The following BAHD1 variants were observed in gnomAD, a reference collection of about 807,000 sequenced individuals.
BAHD1 encodes bromo adjacent homology domain containing 1.
BAHD1 carries 20 observed loss-of-function variants against 63.1 expected under a neutral mutation model. That is an observed-to-expected ratio of 0.32 (90% CI 0.22 to 0.46). The LOEUF is 0.46. BAHD1 is among the 20% of genes least tolerant of loss of function. The pLI, the probability that BAHD1 is intolerant of heterozygous loss-of-function variation, is 1.00. For missense variants in BAHD1, 939 were observed against 1,071.8 expected, an observed-to-expected ratio of 0.88 and a Z score of 1.73; for synonymous variants, 408 against 426.8, an observed-to-expected ratio of 0.96 and a Z score of 0.54.
chr15:40,453,027 C>G lies in BAHD1; in HGVS notation c.-14-5424C>G, dbSNP rs74595335. On this transcript the variant is annotated intron_variant, in intron 1 of 6. Coordinates refer to ENST00000416165, the MANE Select transcript of BAHD1 (RefSeq NM_014952.5). ...GATTTCTCACTGGGGTAGGAGGAAT[C>G]TGTCCCGGGCTCCTGCTGTGGGGAA... 9.6e-3 allele frequency among the ~76,000 whole-genome samples: 1,456 copies of G among 152,316 alleles called. 34 individuals are homozygous for G. Among genetic ancestry groups the G allele is most frequent in the African/African-American group, 0.033 (1,391 of 41,556 alleles).
chr15:40,446,852 T>A (rs766187481), intron 1 of BAHD1, among the ~76,000 whole-genome samples: 1 of 152,076 alleles, frequency 6.6e-6, no homozygotes, highest in Non-Finnish European at 1.5e-5. Flanking sequence ...TCACCTGGAG[T>A]GCTGTTGATG....
At chr15:40,443,034 C>G (rs1595844802) in intron 1 of BAHD1, among the ~76,000 whole-genome samples, 1 of 152,160 alleles carries the variant, frequency 6.6e-6, no homozygotes, top group East Asian at 1.9e-4. Context: ...GCTCCCATGC[C>G]CTCCATGTGA....
At chr15:40,448,646 C>T (rs1893614602) in intron 1 of BAHD1, among the ~76,000 whole-genome samples, 1 of 152,188 alleles carries the variant, frequency 6.6e-6, no homozygotes, top group Non-Finnish European at 1.5e-5. Context: ...AAGTGATCCT[C>T]CCACCTCAGC....
intron 1 of BAHD1, among the ~76,000 whole-genome samples, chr15:40,445,064 T>C (rs1156594714): frequency 1.3e-5 from 2 of 152,056 alleles, no homozygotes; most frequent in Non-Finnish European, 2.9e-5. Context: ...CCTTTAGCTG[T>C]GTTTGCTGTG....
intron 5 of BAHD1, 114 bp from the exon 6 acceptor site, chr15:40,465,221 C>T (rs1470129363): frequency 4.6e-6 from 4 of 868,028 alleles, no homozygotes; most frequent in Non-Finnish European, 7.4e-6. Flanking sequence ...TCCAGGGAAG[C>T]TTGCTGGAGT....
chr15:40,448,309 C>T (rs1893604197), intron 1 of BAHD1, among the ~76,000 whole-genome samples: 1 of 152,024 alleles, frequency 6.6e-6, no homozygotes, highest in Non-Finnish European at 1.5e-5. Flanking sequence ...CCCATAGATG[C>T]CATTTAATTG....
At position 40,458,999 on chromosome 15, in the gene BAHD1, G is replaced by A. The variant is rs1479144454; in HGVS notation, c.535G>A (p.Gly179Arg). The change falls in exon 2 of 7, where the codon GGA (glycine) becomes AGA (arginine). Residue 179 changes from glycine to arginine, a missense_variant. By Grantham distance (125) the Gly-to-Arg change is moderately radical. Transcript: ENST00000416165. This position sits in a 1 kb window ranked among gnomAD's most constrained non-coding sequence, Gnocchi z 4.7. ...KRPRLGDLGG[G>R]SRDLSPEPAP... ...GCCCCGGCTGGGGGACCTTGGAGGA[G>A]GAAGTCGGGACCTGTCTCCAGAGCC... 1 of 1,585,412 alleles carries A rather than the reference G, an allele frequency of 6.3e-7. No individual in the cohort carries two copies. The highest frequency in any genetic ancestry group is 1.1e-5 in the South Asian group (1 of 87,830).
rs562419625 is a variant in BAHD1 at position 40,463,717 on chromosome 15, C to T, written c.1816-144C>T. The T allele has an allele frequency of 4.9e-5, 43 of 882,910 alleles. 1 individual carries two copies. The African/African-American group carries it at 6.9e-4, about 14-fold the overall frequency. The allele number at this position is 882,910 out of a possible 1,614,324, so 54.7% of individuals were successfully genotyped here. ...AACCATGAGAATTCCCCAGCCCCAT[C>T]CAAAAAAGGATAGTGGTTTGACAAA... On this transcript the variant is annotated intron_variant, in intron 3 of 6. Coordinates refer to ENST00000416165, the MANE Select transcript of BAHD1 (RefSeq NM_014952.5).
chr15:40,438,680 C>T (rs550757427), upstream of BAHD1, among the ~76,000 whole-genome samples: 1 of 152,274 alleles, frequency 6.6e-6, no homozygotes, highest in Non-Finnish European at 1.5e-5. Context: ...CCCCAGGGCC[C>T]TCTAATGCCA....
chr15:40,461,719 C>A (rs1028117191), intron 2 of BAHD1, among the ~76,000 whole-genome samples, 193 bp from the exon 3 acceptor site: 1 of 152,146 alleles, frequency 6.6e-6, no homozygotes, highest in South Asian at 2.1e-4. Context: ...GGCCAATCTC[C>A]AAGATCAGGA....
intron 1 of BAHD1, among the ~76,000 whole-genome samples, chr15:40,441,576 C>CGGGGT (rs1893403086): frequency 6.7e-6 from 1 of 148,856 alleles, no homozygotes; most frequent in South Asian, 2.1e-4. Context: ...AGGCCGGGGG[C>CGGGGT]GGGGTGGGTG....
At chr15:40,465,053 A>T in intron 5 of BAHD1, 1 of 476,454 alleles carries the variant, frequency 2.1e-6, no homozygotes, top group Non-Finnish European at 3.8e-6. Context: ...GATGAAGAAC[A>T]TTTCCCCTCT....
intron 1 of BAHD1, among the ~76,000 whole-genome samples, chr15:40,445,691 A>T (rs578045270): frequency 1.1e-4 from 16 of 152,230 alleles, no homozygotes; most frequent in Non-Finnish European, 1.5e-4. Context: ...CCTCCTTTTT[A>T]TGAATGGGTT....
At position 40,458,234 on chromosome 15, in the gene BAHD1, G is replaced by A. The variant is rs1003087013; in HGVS notation, c.-14-217G>A. ...GTTCAGAGATACCCTAGGCTAAAAG[G>A]AAAGAGGAGGAACCAGTCCTTGCAC... On this transcript the variant is annotated intron_variant, in intron 1 of 6. Coordinates refer to ENST00000416165, the MANE Select transcript of BAHD1 (RefSeq NM_014952.5). The surrounding 1 kb of genome is among the most constrained non-coding windows in gnomAD (Gnocchi z 4.7). 1.3e-5 allele frequency among the ~76,000 whole-genome samples: 2 copies of A among 152,152 alleles called. No individual in the cohort carries two copies. Among genetic ancestry groups the A allele is most frequent in the African/African-American group, 4.8e-5 (2 of 41,414 alleles).
At position 40,466,286 on chromosome 15, in the gene BAHD1, T is replaced by G; in HGVS notation, c.*156T>G. 5.8e-6 allele frequency: 4 copies of G among 686,610 alleles called. No individual in the cohort carries two copies. The highest frequency in any genetic ancestry group is 2.9e-5 in the East Asian group (1 of 33,958). 42.5% of individuals were successfully genotyped at this position (686,610 alleles called of 1,614,324 possible). A position where few individuals can be genotyped will look rare whatever the true frequency, so the allele number is the denominator to read the frequency against. ...GGAGGGCAGGGGCCCCTGTGGGTTC[T>G]GGGCTCCAGGGGAGGGAGCTGGGGA... On this transcript the variant is annotated 3_prime_UTR_variant, in exon 7 of 7. Transcript: ENST00000416165.
At chr15:40,450,195 T>G (rs1290415478) in intron 1 of BAHD1, among the ~76,000 whole-genome samples, 1 of 152,234 alleles carries the variant, frequency 6.6e-6, no homozygotes, top group Non-Finnish European at 1.5e-5. Flanking sequence ...TGAGTGATAT[T>G]TGGGTAGGGT....
chr15:40,439,201 G>A (rs571604115), upstream of BAHD1, among the ~76,000 whole-genome samples: 1 of 152,330 alleles, frequency 6.6e-6, no homozygotes, highest in South Asian at 2.1e-4. Context: ...GGGAGAACCT[G>A]GACCTTCGAG....
At position 40,459,098 on chromosome 15, in the gene BAHD1, T is replaced by A; in HGVS notation, c.634T>A (p.Phe212Ile). ...ACTGGCTAGCCTGAACGCAGCTGCT[T>A]TCCTAAAACTGAGCCAGGAGCGGGA... is the stretch of plus-strand genomic sequence containing the variant. Reference protein sequence around the residue: ...KRLASLNAAAFLKLSQERELP... With the variant: ...KRLASLNAAAILKLSQERELP... The change falls in exon 2 of 7, where the codon TTC becomes ATC. Residue 212 changes from phenylalanine (F) to isoleucine (I), a missense_variant. Physicochemically the swap from Phe to Ile is conservative, Grantham distance 21. Coordinates refer to ENST00000416165, the MANE Select transcript of BAHD1 (RefSeq NM_014952.5). The A allele has an allele frequency of 6.2e-7, 1 of 1,612,974 alleles. No individual in the cohort carries two copies. The highest frequency in any genetic ancestry group is 8.5e-7 in the Non-Finnish European group (1 of 1,179,828).
intron 1 of BAHD1, chr15:40,443,314 C>T: frequency 1.0e-6 from 1 of 985,354 alleles, no homozygotes; most frequent in Non-Finnish European, 1.2e-6. Flanking sequence ...GGAGCTGAGG[C>T]TTGTGAGAAA....
Sources: allele counts gnomAD v4.1 joint callset (sites outside exome capture counted in the v4.1 genomes callset), GRCh38; gene constraint gnomAD v4.1.1; non-coding constraint Gnocchi (gnomAD v3.1); transcripts MANE v1.5; gene names NCBI Gene and HGNC (gene_info 2026-07-23, HGNC 2026-07-21).